Variants in PALD1 observed in about 807,000 individuals in gnomAD.
PALD1 encodes the protein phosphatase domain containing paladin 1, also known as paladin.
PALD1 carries 57 observed loss-of-function variants against 96.0 expected under a neutral mutation model. The observed-to-expected ratio is 0.59, with a 90% CI of 0.48 to 0.74. The LOEUF (loss-of-function observed/expected upper bound fraction) is 0.74. PALD1 is among the 30% of genes least tolerant of loss of function. The pLI is 0.00. For synonymous variants in PALD1, 464 were observed against 473.6 expected (o/e 0.98, Z 0.26); for missense variants, 1,063 against 1,143.7 (o/e 0.93, Z 1.02).
upstream of PALD1, among the ~76,000 whole-genome samples, chr10:70,477,986 G>A (rs1272762405): frequency 6.6e-6 from 1 of 152,146 alleles, no homozygotes; most frequent in African/African-American, 2.4e-5. Flanking sequence ...CGGGGCCGTC[G>A]GAGTGGGCCG....
intron 1 of PALD1, among the ~76,000 whole-genome samples, chr10:70,517,518 A>G (rs779638292): frequency 2.0e-5 from 3 of 151,456 alleles, no homozygotes; most frequent in Admixed American, 6.6e-5. Context: ...ATTTTTGTGT[A>G]TTTAGTGGAG....
intron 12 of PALD1, 82 bp from the exon 13 acceptor site, chr10:70,538,810 C>A (rs528533617): frequency 6.9e-6 from 8 of 1,165,680 alleles, no homozygotes; most frequent in Non-Finnish European, 1.0e-5. Context: ...CCCCACCCCC[C>A]GTCTGCCTTG....
At chr10:70,542,179 C>T (rs1300595848) in intron 17 of PALD1, among the ~76,000 whole-genome samples, 3 of 152,232 alleles carry the variant, frequency 2.0e-5, no homozygotes, top group East Asian at 3.8e-4. Context: ...TGCAGCACCT[C>T]ACACTTGCTA....
chr10:70,533,179 G>C (rs994793864), intron 7 of PALD1, 109 bp downstream of exon 7: 85 of 864,538 alleles, frequency 9.8e-5, no homozygotes, highest in Middle Eastern at 6.6e-4. Context: ...GCTTCATTCT[G>C]TGTTGTGTAT....
chr10:70,543,123 TTTGA>T (rs1257879458), intron 17 of PALD1, among the ~76,000 whole-genome samples: 1 of 149,550 alleles, frequency 6.7e-6, no homozygotes, highest in Non-Finnish European at 1.5e-5. Flanking sequence ...ATATTGTGGC[TTTGA>T]TTTGCATTTC....
upstream of PALD1, among the ~76,000 whole-genome samples, chr10:70,477,584 C>T (rs980675130): frequency 3.3e-5 from 5 of 152,156 alleles, no homozygotes; most frequent in South Asian, 2.1e-4. Flanking sequence ...AGAAAAGTAC[C>T]GACCTTATAA....
In PALD1 at chr10:70,527,449, G is replaced by T. The variant is rs79478445; in HGVS notation, c.185+1313G>T. 6.0e-3 allele frequency among the ~76,000 whole-genome samples: 921 copies of T among 152,266 alleles called. 5 individuals are homozygous for T. Among genetic ancestry groups the T allele is most frequent in the Non-Finnish European group, 0.01 (684 of 68,006 alleles). Reference sequence around the variant, plus strand: ...ACATCCTGCAGGCCCAATGTGGCCTGTTTTCTTCAAATAAAGTTTTATTGG... The same window carrying T: ...ACATCCTGCAGGCCCAATGTGGCCTTTTTTCTTCAAATAAAGTTTTATTGG... On this transcript the variant is annotated intron_variant, in intron 2 of 19. Coordinates refer to ENST00000263563, the MANE Select transcript of PALD1 (RefSeq NM_014431.3).
At chr10:70,527,921 C>T (rs889374366) in intron 2 of PALD1, among the ~76,000 whole-genome samples, 2 of 151,686 alleles carry the variant, frequency 1.3e-5, no homozygotes, top group African/African-American at 4.8e-5. Flanking sequence ...CCAATGCCAT[C>T]CCTCCCCCGT....
Position 70,567,998 on chromosome 10 carries a change from A to T in PALD1, c.*1265A>T, listed in dbSNP as rs1406856348. On this transcript the variant is annotated 3_prime_UTR_variant, in exon 20 of 20. Transcript: ENST00000263563. ...GGTTAGGCTCGTGTACTTCTGCAGGAAAAAAAAAAAAGGATGTGTCATTGG... is the reference window on the plus strand; with the variant it reads ...GGTTAGGCTCGTGTACTTCTGCAGGTAAAAAAAAAAAGGATGTGTCATTGG... The T allele has an allele frequency of 9.6e-6, 1 of 104,464 alleles. No individual in the cohort carries two copies. Among genetic ancestry groups the T allele is most frequent in the Non-Finnish European group, 2.1e-5 (1 of 46,790 alleles). 6.5% of individuals were successfully genotyped at this position (104,464 alleles called of 1,614,324 possible).
At chr10:70,501,481 A>G (rs1846292685) in intron 1 of PALD1, among the ~76,000 whole-genome samples, 1 of 152,136 alleles carries the variant, frequency 6.6e-6, no homozygotes, top group African/African-American at 2.4e-5. Flanking sequence ...GCTGGCGTCT[A>G]CGCAGCTCCT....
At chr10:70,488,939 T>TGCTGCTGGGGGTCTGGGTGG (rs1277837185) in intron 1 of PALD1, among the ~76,000 whole-genome samples, 8 of 151,330 alleles carry the variant, frequency 5.3e-5, no homozygotes, top group Middle Eastern at 3.4e-3. Flanking sequence ...TGTATCCTCC[T>TGCTGCTGGGGGTCTGGGTGG]ACTGCTGGGG....
Position 70,521,851 on chromosome 10 carries a change from GCCAAGGACCC to G in PALD1, c.-29-4066_-29-4057del, listed in dbSNP as rs779689541. ...CAGCTGGTTTCCTCTTTTTTTTTGT[GCCAAGGACCC>G]CCAAGCAGAAGCCCATGGACTCCTT... On this transcript the variant is annotated intron_variant, in intron 1 of 19. Coordinates refer to ENST00000263563, the MANE Select transcript of PALD1 (RefSeq NM_014431.3). Among the ~76,000 whole-genome samples, 110 of 150,842 alleles carry G rather than the reference GCCAAGGACCC, an allele frequency of 7.3e-4. 1 individual carries two copies. Among genetic ancestry groups the G allele is most frequent in the South Asian group, 1.5e-3 (7 of 4,786 alleles).
chr10:70,472,641 G>A, the PALD1 span, among the ~76,000 whole-genome samples: 17 of 152,294 alleles, frequency 1.1e-4, no homozygotes, highest in South Asian at 3.1e-3. Flanking sequence ...TGGTCCTGCT[G>A]CTGCAGGGTT....
intron 1 of PALD1, among the ~76,000 whole-genome samples, chr10:70,508,842 C>CGTGTGTGTGTGTGTGTGTGTGTGT (rs1236157281): frequency 1.3e-4 from 3 of 22,356 alleles, no homozygotes; most frequent in African/African-American, 6.3e-4. Context: ...AGCTGCGGAA[C>CGTGTGTGTGTGTGTGTGTGTGTGT]CTGTGTGTGT....
chr10:70,531,759 G>A (rs1158299387), intron 5 of PALD1, among the ~76,000 whole-genome samples: 1 of 152,084 alleles, frequency 6.6e-6, no homozygotes, highest in Non-Finnish European at 1.5e-5. Context: ...CACTTTGGGA[G>A]GCCGAGGTGG....
intron 12 of PALD1, 29 bp from the exon 13 acceptor site, chr10:70,538,863 G>T: frequency 6.3e-7 from 1 of 1,585,226 alleles, no homozygotes; most frequent in Non-Finnish European, 8.7e-7. Flanking sequence ...CGGCTGCTGT[G>T]GGTCCCAGGC....
the PALD1 span, among the ~76,000 whole-genome samples, chr10:70,462,073 G>A: frequency 1.4e-4 from 21 of 152,356 alleles, no homozygotes; most frequent in Admixed American, 5.9e-4. Context: ...GACTGCAGGT[G>A]TGAGCCACCA....
At chr10:70,485,596 G>A (rs1589168371) in intron 1 of PALD1, 1 of 152,274 alleles carries the variant, frequency 6.6e-6, no homozygotes, top group East Asian at 1.9e-4. Flanking sequence ...TTTTAGTAGA[G>A]ATGGGGTTTC....
rs1847875680 is a variant in PALD1, at chr10:70,567,337, T to G, written c.*604T>G. The G allele has an allele frequency of 6.5e-6, 1 of 152,842 alleles. No individual in the cohort carries two copies. Among genetic ancestry groups the G allele is most frequent in the African/African-American group, 2.4e-5 (1 of 41,450 alleles). The allele number at this position is 152,842 out of a possible 1,614,324, so 9.5% of individuals were successfully genotyped here. On this transcript the variant is annotated 3_prime_UTR_variant, in exon 20 of 20. Coordinates refer to ENST00000263563, the MANE Select transcript of PALD1 (RefSeq NM_014431.3). ...TGCCCCCATCTCCGACCTGGGAGAC[T>G]TCAGGAATGACAACCTACCCAGCCT... is the stretch of plus-strand genomic sequence containing the variant.
Sources: gnomAD v4.1 joint callset for allele counts (sites outside exome capture counted in the v4.1 genomes callset) on GRCh38, gnomAD v4.1.1 for gene constraint, MANE v1.5 for transcripts, NCBI Gene and HGNC (gene_info 2026-07-23, HGNC 2026-07-21) for gene names.